RGS10: variants seen among roughly 807,000 people sequenced by gnomAD.
RGS10 encodes regulator of G protein signaling 10, also known as regulator of G-protein signalling 10.
In RGS10, 11 loss-of-function variants were observed where a neutral mutation model predicts 23.5. The observed-to-expected ratio is 0.47, with a 90% CI of 0.29 to 0.77. The LOEUF (loss-of-function observed/expected upper bound fraction) is 0.77. RGS10 is among the 30% of genes least tolerant of loss of function. The pLI is 0.08. For synonymous variants in RGS10, 77 were observed against 83.2 expected (o/e 0.92, Z 0.41); for missense variants, 180 against 226.3 (o/e 0.80, Z 1.31).
intron 1 of RGS10, among the ~76,000 whole-genome samples, chr10:119,533,127 G>A (rs1322247467): frequency 6.6e-6 from 1 of 151,836 alleles, no homozygotes; most frequent in Non-Finnish European, 1.5e-5. Context: ...GGAGGCTGAG[G>A]CAGCCAGATC....
intron 4 of RGS10, among the ~76,000 whole-genome samples, chr10:119,514,103 C>G (rs1000343882): frequency 5.3e-5 from 8 of 152,338 alleles, no homozygotes; most frequent in African/African-American, 1.9e-4. Flanking sequence ...CGCCTGTAAT[C>G]CCAGCACTCT....
At chr10:119,521,627 A>AAAGGAAGGAAGGAAGGAAAGAAAGGAAGG (rs1554858027) in intron 3 of RGS10, among the ~76,000 whole-genome samples, 10 of 119,910 alleles carry the variant, frequency 8.3e-5, no homozygotes, top group African/African-American at 3.1e-4. Flanking sequence ...GGAAGGAAAG[A>AAAGGAAGGAAGGAAGGAAAGAAAGGAAGG]AAGGAAGGAA....
intron 1 of RGS10, among the ~76,000 whole-genome samples, chr10:119,531,325 C>T (rs1844327830): frequency 6.6e-6 from 1 of 152,136 alleles, no homozygotes; most frequent in Non-Finnish European, 1.5e-5. Context: ...ACCACTTTGG[C>T]CATAAGTTTT....
intron 3 of RGS10, among the ~76,000 whole-genome samples, chr10:119,521,656 A>AAGG (rs765917443): frequency 2.0e-5 from 3 of 147,258 alleles, no homozygotes; most frequent in Non-Finnish European, 3.0e-5. Context: ...GGAAGGAAGG[A>AAGG]AAGGAGGAAA....
intron 4 of RGS10, 106 bp downstream of exon 4, chr10:119,515,403 G>A: frequency 7.3e-7 from 1 of 1,378,826 alleles, no homozygotes; most frequent in Non-Finnish European, 1.0e-6. Flanking sequence ...CCGGCCGTAT[G>A]AGATGGTTTC....
chr10:119,500,961 C>T (rs1589831173), intron 4 of RGS10, among the ~76,000 whole-genome samples: 1 of 152,110 alleles, frequency 6.6e-6, no homozygotes, highest in African/African-American at 2.4e-5. Context: ...GCTGAAGTGC[C>T]CCAGATTAGA....
intron 3 of RGS10, among the ~76,000 whole-genome samples, chr10:119,518,411 C>T (rs896680833): frequency 6.6e-5 from 10 of 152,196 alleles, no homozygotes; most frequent in Admixed American, 5.2e-4. Context: ...AGGCTGAGGC[C>T]CTTCTTCGAG....
Position 119,524,843 on chromosome 10 carries a change from A to G in RGS10, c.255+1189T>C, listed in dbSNP as rs1844255392. On this transcript the variant is annotated intron_variant, in intron 3 of 4. Coordinates refer to ENST00000369103, the MANE Select transcript of RGS10 (RefSeq NM_001005339.2). This position sits in a 1 kb window ranked among gnomAD's most constrained non-coding sequence, Gnocchi z 5.2. Reference sequence around the variant, plus strand: ...ACTCCCTTGCCACCTCCAGAGAGGAAGGTGGTGGAGAAAAGGCCGCGCTGC... The same window carrying G: ...ACTCCCTTGCCACCTCCAGAGAGGAGGGTGGTGGAGAAAAGGCCGCGCTGC... Among the ~76,000 whole-genome samples, 1 of 152,188 alleles carries G rather than the reference A, an allele frequency of 6.6e-6. No individual in the cohort carries two copies. Among genetic ancestry groups the G allele is most frequent in the Non-Finnish European group, 1.5e-5 (1 of 68,030 alleles).
rs530246786 is a variant in RGS10 at position 119,511,577 on chromosome 10, C to A, written c.399+3932G>T. 6.6e-5 allele frequency among the ~76,000 whole-genome samples: 10 copies of A among 152,260 alleles called. No individual in the cohort carries two copies. The East Asian group carries it at 1.9e-3, about 29-fold the overall frequency. ...GAGGCTGCAGTGAGCAGAGATGGCA[C>A]CATTGTACTCCAGCCTGGGTGACAG... On this transcript the variant is annotated intron_variant, in intron 4 of 4. Transcript: ENST00000369103.
At chr10:119,530,356 C>T (rs56320992) in intron 1 of RGS10, among the ~76,000 whole-genome samples, 39 of 152,200 alleles carry the variant, frequency 2.6e-4, no homozygotes, top group Admixed American at 7.2e-4. Context: ...GGGGAAACTA[C>T]CAGGATTTTA....
chr10:119,540,685 A>G (rs542328895), intron 1 of RGS10, among the ~76,000 whole-genome samples: 1 of 152,348 alleles, frequency 6.6e-6, no homozygotes, highest in South Asian at 2.1e-4. Flanking sequence ...AAATCACCCC[A>G]AATCCATGTA....
At chr10:119,541,939 C>G (rs1014640053) in intron 1 of RGS10, among the ~76,000 whole-genome samples, 2 of 152,242 alleles carry the variant, frequency 1.3e-5, no homozygotes, top group Admixed American at 1.3e-4. Flanking sequence ...CCACCTTCAC[C>G]GTGGGGTCTT....
intron 4 of RGS10, among the ~76,000 whole-genome samples, chr10:119,508,260 A>G (rs1325216229): frequency 6.6e-6 from 1 of 152,160 alleles, no homozygotes; most frequent in Admixed American, 6.5e-5. Context: ...TCGGCCTCCC[A>G]AAGTGCTGGG....
chr10:119,535,699 G>A (rs1844381130), intron 1 of RGS10, among the ~76,000 whole-genome samples: 1 of 152,162 alleles, frequency 6.6e-6, no homozygotes, highest in Non-Finnish European at 1.5e-5. Flanking sequence ...CTCAACAGCA[G>A]AGTCAACTTA....
chr10:119,519,437 GTCTGTCCCCCAGCTCCTGTCTCCCTGTA>G (rs1844186264), intron 3 of RGS10, among the ~76,000 whole-genome samples: 1 of 121,726 alleles, frequency 8.2e-6, no homozygotes, highest in Non-Finnish European at 1.7e-5. Flanking sequence ...CTGTCTCCCT[GTCTGTCCCCCAGCTCCTGTCTCCCTGTA>G]TCTGTCCCCC....
At chr10:119,525,884 T>A (rs534909098) in intron 3 of RGS10, 148 bp downstream of exon 3, 2 of 429,314 alleles carry the variant, frequency 4.7e-6, no homozygotes, top group African/African-American at 2.0e-5. Flanking sequence ...AAATGATTAA[T>A]ATTTGATCAA....
intron 1 of RGS10, chr10:119,536,557 G>A (rs1237003444): frequency 1.3e-6 from 2 of 1,563,040 alleles, no homozygotes; most frequent in East Asian, 2.4e-5. Flanking sequence ...GCAGAGACTG[G>A]AGGGCTCCCG....
At position 119,537,202 on chromosome 10, in the gene RGS10, G is replaced by C. The variant is rs577562997; in HGVS notation, c.49+5388C>G. Among the ~76,000 whole-genome samples the C allele has an allele frequency of 1.1e-4, 17 of 152,060 alleles. 1 individual carries two copies. In the South Asian group the frequency reaches 3.1e-3, roughly 28 times the overall value. ...GAGGTCGGGAGTTTGAGACCAGCCC[G>C]ACCAATGTGGAGAAACCTAAAAATA... On this transcript the variant is annotated intron_variant, in intron 1 of 4. Coordinates refer to ENST00000369103, the MANE Select transcript of RGS10 (RefSeq NM_001005339.2).
chr10:119,502,176 A>G (rs895779660), intron 4 of RGS10, among the ~76,000 whole-genome samples: 2 of 152,170 alleles, frequency 1.3e-5, no homozygotes, highest in African/African-American at 4.8e-5. Flanking sequence ...AAATACAAAA[A>G]TCATAGCCAG....
Sources: gnomAD v4.1 joint callset for allele counts (sites outside exome capture counted in the v4.1 genomes callset) on GRCh38, gnomAD v4.1.1 for gene constraint, Gnocchi (gnomAD v3.1) non-coding constraint, MANE v1.5 for transcripts, NCBI Gene and HGNC (gene_info 2026-07-23, HGNC 2026-07-21) for gene names.